Variants in ROBO1 observed in about 807,000 individuals in gnomAD.
The protein encoded by ROBO1 is roundabout guidance receptor 1, also known as roundabout homolog 1.
A neutral mutation model predicts 195.9 loss-of-function variants in ROBO1; 149 were observed. The ratio of observed to expected loss-of-function variants is 0.76; its 90% CI spans 0.67 to 0.87. The LOEUF (loss-of-function observed/expected upper bound fraction) is 0.87, where lower values mean the gene tolerates loss of function less well. Among genes scored for constraint, ROBO1 ranks in the 40% least tolerant of loss-of-function variants. The pLI, the probability that ROBO1 is intolerant of heterozygous loss-of-function variation, is 0.00. For synonymous variants in ROBO1, 816 were observed against 733.2 expected (o/e 1.11, Z -1.82); for missense variants, 1,933 against 2,068.3 (o/e 0.93, Z 1.27).
intron 2 of ROBO1, among the ~76,000 whole-genome samples, chr3:79,502,755 C>T (rs61662644): frequency 0.013 from 302 of 22,652 alleles, no homozygotes; most frequent in African/African-American, 0.03. Context: ...CAGCACCCTG[C>T]ATCTAGCTCA....
At chr3:78,876,394 A>T (rs1177381767) in intron 4 of ROBO1, among the ~76,000 whole-genome samples, 1 of 152,158 alleles carries the variant, frequency 6.6e-6, no homozygotes, top group African/African-American at 2.4e-5. Context: ...TAACTTGATT[A>T]TGTGTTGTGC....
intron 3 of ROBO1, among the ~76,000 whole-genome samples, chr3:79,053,400 G>T (rs79720770): frequency 6.6e-6 from 1 of 151,916 alleles, no homozygotes; most frequent in Non-Finnish European, 1.5e-5. Flanking sequence ...GGTACTTGTA[G>T]TTCCCATGGC....
At position 79,677,142 on chromosome 3, in the gene ROBO1, T is replaced by A. The variant is rs1946806378; in HGVS notation, c.-50-87181A>T. ...GTGTGACAAAGATTTGTGACTTGTT[T>A]CTATGCAATATACTGTGTTGAAAGT... On this transcript the variant is annotated intron_variant, in intron 1 of 30. Transcript: ENST00000464233. Among the ~76,000 whole-genome samples, 3 of 152,002 alleles carry A rather than the reference T, an allele frequency of 2.0e-5. No homozygotes were observed. The South Asian group carries it at 6.2e-4, about 31-fold the overall frequency.
chr3:79,504,092 A>G (rs184304430), intron 2 of ROBO1, among the ~76,000 whole-genome samples: 160 of 152,292 alleles, frequency 1.1e-3, no homozygotes, highest in African/African-American at 3.7e-3. Flanking sequence ...ATATTAAAAA[A>G]TTAACAATTA....
rs56248532 is a variant in ROBO1, at chr3:79,742,022, G to A, written c.-51+25730C>T. Among the ~76,000 whole-genome samples, 507 of 151,900 alleles carry A rather than the reference G, an allele frequency of 3.3e-3. 1 individual carries two copies. The highest frequency in any genetic ancestry group is 3.8e-3 in the Non-Finnish European group (260 of 67,938). On this transcript the variant is annotated intron_variant, in intron 1 of 30. Coordinates refer to ENST00000464233, the MANE Select transcript of ROBO1 (RefSeq NM_002941.4). ...ACCTGGCTGCTTCTAACAGCATATG[G>A]TCATATGTGTGAATAAAGAGATGAT...
intron 4 of ROBO1, among the ~76,000 whole-genome samples, chr3:78,783,420 C>A (rs756056809): frequency 6.6e-6 from 1 of 152,132 alleles, no homozygotes; most frequent in Non-Finnish European, 1.5e-5. Flanking sequence ...TCTATACCTA[C>A]AATCAATTTA....
At chr3:78,748,434 TAAATA>T (rs2108291940) in intron 4 of ROBO1, among the ~76,000 whole-genome samples, 1 of 1,606 alleles carries the variant, frequency 6.2e-4, no homozygotes, top group Admixed American at 5.4e-3. Flanking sequence ...CTCAAATAAA[TAAATA>T]AATAAATAAA....
intron 3 of ROBO1, among the ~76,000 whole-genome samples, chr3:78,965,667 T>G (rs1373696468): frequency 6.6e-6 from 1 of 152,174 alleles, no homozygotes; most frequent in Non-Finnish European, 1.5e-5. Context: ...CAGAAGCATT[T>G]TTAATATAAA....
chr3:78,957,799 G>A (rs568114284), intron 3 of ROBO1, among the ~76,000 whole-genome samples: 2 of 152,154 alleles, frequency 1.3e-5, no homozygotes, highest in South Asian at 4.1e-4. Context: ...CTAATTCCTA[G>A]TCTATGCTGC....
intron 2 of ROBO1, among the ~76,000 whole-genome samples, chr3:79,416,080 C>T (rs879498965): frequency 1.6e-5 from 2 of 128,044 alleles, no homozygotes; most frequent in Non-Finnish European, 1.8e-5. Context: ...TATATACCAA[C>T]ATAAAAAAAA....
At chr3:78,894,264 A>G (rs1256714325) in intron 4 of ROBO1, among the ~76,000 whole-genome samples, 1 of 152,182 alleles carries the variant, frequency 6.6e-6, no homozygotes, top group Non-Finnish European at 1.5e-5. Context: ...TAAAACAGCA[A>G]TTAATGTGTC....
chr3:79,196,451 C>T (rs1042052149), intron 2 of ROBO1, among the ~76,000 whole-genome samples: 13 of 151,066 alleles, frequency 8.6e-5, no homozygotes, highest in East Asian at 3.9e-4. Context: ...AACAAAAGAG[C>T]GAGTGATTGA....
chr3:79,158,182 T>A (rs1057255384), intron 2 of ROBO1, among the ~76,000 whole-genome samples: 5 of 151,734 alleles, frequency 3.3e-5, no homozygotes, highest in African/African-American at 1.2e-4. Context: ...ATCTCACTGA[T>A]GCAATTTTCT....
chr3:79,673,487 C>T (rs1946690325), intron 1 of ROBO1, among the ~76,000 whole-genome samples: 1 of 151,830 alleles, frequency 6.6e-6, no homozygotes, highest in Non-Finnish European at 1.5e-5. Flanking sequence ...GTGGCCAGTG[C>T]CAATATATGT....
chr3:79,111,326 C>T (rs923479799), intron 3 of ROBO1, among the ~76,000 whole-genome samples: 13 of 152,034 alleles, frequency 8.6e-5, no homozygotes, highest in Admixed American at 2.6e-4. Context: ...TTTAGAGGAT[C>T]GATTGGGGAA....
chr3:78,746,534 T>C, intron 5 of ROBO1, among the ~76,000 whole-genome samples: 1 of 152,232 alleles, frequency 6.6e-6, no homozygotes, highest in East Asian at 1.9e-4. Flanking sequence ...TTTCTTTTAC[T>C]GATCTCTAAA....
intron 1 of ROBO1, among the ~76,000 whole-genome samples, chr3:79,627,008 TA>T (rs1945200249): frequency 6.6e-6 from 1 of 151,220 alleles, no homozygotes; most frequent in Non-Finnish European, 1.5e-5. Context: ...AGGGATGACC[TA>T]AACAGAAAAA....
chr3:79,638,265 G>T (rs1005511554), intron 1 of ROBO1, among the ~76,000 whole-genome samples: 3 of 152,146 alleles, frequency 2.0e-5, no homozygotes, highest in African/African-American at 7.2e-5. Flanking sequence ...TGGTAGATTT[G>T]CAAAGGCAGG....
intron 2 of ROBO1, among the ~76,000 whole-genome samples, chr3:79,153,713 T>C (rs1240028128): frequency 6.8e-6 from 1 of 148,078 alleles, no homozygotes; most frequent in East Asian, 2.0e-4. Flanking sequence ...TATATATTTA[T>C]TTATTTGAAT....
Sources: allele counts gnomAD v4.1 joint callset (sites outside exome capture counted in the v4.1 genomes callset), GRCh38; gene constraint gnomAD v4.1.1; transcripts MANE v1.5; gene names NCBI Gene and HGNC (gene_info 2026-07-23, HGNC 2026-07-21).